The following RASGRP1 variants were observed in gnomAD, a reference collection of about 807,000 sequenced individuals.
The protein encoded by RASGRP1 is RAS guanyl releasing protein 1.
Under a neutral mutation model 95.1 loss-of-function variants are expected in RASGRP1, and 37 were observed. That is an observed-to-expected ratio of 0.39 (90% CI 0.30 to 0.51). The LOEUF is 0.51. Ranked by LOEUF, RASGRP1 falls within the 20% of genes least tolerant of loss-of-function variation. The probability of loss-of-function intolerance (pLI) is 0.80; values close to 1 mark genes in which losing one functional copy is unlikely to be tolerated. For synonymous variants in RASGRP1, 325 were observed against 353.4 expected (o/e 0.92, Z 0.90); for missense variants, 711 against 965.4 (o/e 0.74, Z 3.49).
chr15:38,496,301 T>A (rs1320480622), intron 15 of RASGRP1, among the ~76,000 whole-genome samples: 1 of 152,248 alleles, frequency 6.6e-6, no homozygotes, highest in Non-Finnish European at 1.5e-5. Flanking sequence ...TTGCCCATGA[T>A]ACATGTATGT....
intron 1 of RASGRP1, among the ~76,000 whole-genome samples, chr15:38,564,315 C>G (rs1030318443): frequency 2.6e-5 from 4 of 152,080 alleles, no homozygotes; most frequent in African/African-American, 9.7e-5. Context: ...GCGCCGGCTC[C>G]GCGAAGAGCT....
chr15:38,505,777 T>G (rs544342021), intron 10 of RASGRP1, 63 bp downstream of exon 10: 1 of 1,307,462 alleles, frequency 7.6e-7, no homozygotes, highest in South Asian at 1.2e-5. Flanking sequence ...TGAGGATGAA[T>G]GAACTCGAGG....
At chr15:38,516,490 TCA>T (rs1227583364) in intron 5 of RASGRP1, 140 bp from the exon 6 acceptor site, 5 of 1,071,362 alleles carry the variant, frequency 4.7e-6, no homozygotes, top group African/African-American at 1.6e-5. Flanking sequence ...AACAGTGCAT[TCA>T]CAGAGTTTCT....
At chr15:38,518,258 G>A in intron 5 of RASGRP1, 34 bp downstream of exon 5, 1 of 1,598,860 alleles carries the variant, frequency 6.3e-7, no homozygotes, top group South Asian at 1.1e-5. Context: ...GAGGGAGGTG[G>A]TTTCGAAAGA....
At chr15:38,528,506 C>T (rs1892318077) in intron 2 of RASGRP1, among the ~76,000 whole-genome samples, 1 of 152,088 alleles carries the variant, frequency 6.6e-6, no homozygotes, top group South Asian at 2.1e-4. Context: ...CCAACACAAC[C>T]CAAGTTGATG....
In RASGRP1 at chr15:38,516,333, G is replaced by C. The variant is rs377660704; in HGVS notation, c.539C>G (p.Ser180Cys). 6 of 1,611,064 alleles carry C rather than the reference G, an allele frequency of 3.7e-6. No individual in the cohort carries two copies. The highest frequency in any genetic ancestry group is 4.5e-5 in the East Asian group (2 of 44,856). Residue 180 changes from serine (S) to cysteine (C), a missense_variant, in exon 6 of 17, where the codon TCC becomes TGC. Coordinates refer to ENST00000310803, the MANE Select transcript of RASGRP1 (RefSeq NM_005739.4). ...TTTTATCCTTTGAGTAAGTTTCCTGGACCAGTCACGGGCATTGCTTTTGTG... is the reference window on the plus strand; with the variant it reads ...TTTTATCCTTTGAGTAAGTTTCCTGCACCAGTCACGGGCATTGCTTTTGTG... ...DTTQINARDW[S>C]RKLTQRIKSN...
At chr15:38,532,931 C>G (rs900400948) in intron 2 of RASGRP1, among the ~76,000 whole-genome samples, 1 of 152,086 alleles carries the variant, frequency 6.6e-6, no homozygotes, top group Admixed American at 6.5e-5. Context: ...GCAGACCCTG[C>G]TCCTTGCTGA....
chr15:38,537,007 C>T (rs971194408), intron 2 of RASGRP1, among the ~76,000 whole-genome samples: 7 of 152,118 alleles, frequency 4.6e-5, no homozygotes, highest in Non-Finnish European at 7.4e-5. Context: ...ATTCTTATTT[C>T]TCTTGCTAGA....
Position 38,507,954 on chromosome 15 carries a change from G to A in RASGRP1, c.1014C>T (p.Asp338=), listed in dbSNP as rs1273798932. The A allele has an allele frequency of 1.2e-6, 2 of 1,610,558 alleles. No individual in the cohort carries two copies. Among genetic ancestry groups the A allele is most frequent in the Non-Finnish European group, 1.7e-6 (2 of 1,178,762 alleles). ...ACTCTCCATAGGCTCGCCGGTAATT[G>A]TCGTAGTTTCTGGAGGAGGACAGCA... ...TELLSSSRNY[D]NYRRAYGECT... Residue 338 remains aspartate, a synonymous_variant, in exon 9 of 17, where the codon GAC becomes GAT. Transcript: ENST00000310803.
intron 3 of RASGRP1, among the ~76,000 whole-genome samples, chr15:38,525,396 T>C (rs569151067): frequency 1.3e-5 from 2 of 152,276 alleles, no homozygotes; most frequent in South Asian, 4.1e-4. Context: ...GGTTTCATGA[T>C]GGTTTAAAAT....
intron 3 of RASGRP1, among the ~76,000 whole-genome samples, chr15:38,521,893 A>G (rs1399693131): frequency 6.6e-6 from 1 of 152,186 alleles, no homozygotes; most frequent in African/African-American, 2.4e-5. Context: ...ACTAAGCGTA[A>G]AGAAAGAAAA....
At chr15:38,509,905 C>T (rs1891432597) in intron 8 of RASGRP1, among the ~76,000 whole-genome samples, 2 of 152,088 alleles carry the variant, frequency 1.3e-5, no homozygotes, top group Non-Finnish European at 2.9e-5. Context: ...CTACGAAGTA[C>T]CATTTCTCCA....
rs1258561280 is a variant in RASGRP1, at chr15:38,489,017, G to C, written c.*1537C>G. ...GCAAGGAGGAACTCAAATGGGAACTGATCTTTCATCAAAGAGAATTCCTAA... is the reference window on the plus strand; with the variant it reads ...GCAAGGAGGAACTCAAATGGGAACTCATCTTTCATCAAAGAGAATTCCTAA... On this transcript the variant is annotated 3_prime_UTR_variant, in exon 17 of 17. Coordinates refer to ENST00000310803, the MANE Select transcript of RASGRP1 (RefSeq NM_005739.4). 1 of 151,970 alleles carries C rather than the reference G, an allele frequency of 6.6e-6. No homozygotes were observed. The highest frequency in any genetic ancestry group is 1.5e-5 in the Non-Finnish European group (1 of 67,898). The allele number at this position is 151,970 out of a possible 1,614,324, so 9.4% of individuals were successfully genotyped here. A position where few individuals can be genotyped will look rare whatever the true frequency, so the allele number is the denominator to read the frequency against.
intron 15 of RASGRP1, among the ~76,000 whole-genome samples, chr15:38,495,389 G>A (rs1890759104): frequency 6.6e-6 from 1 of 152,140 alleles, no homozygotes; most frequent in African/African-American, 2.4e-5. Context: ...TAGCCATAAG[G>A]AGTAATTTCC....
intron 2 of RASGRP1, among the ~76,000 whole-genome samples, chr15:38,545,945 C>T (rs1296475800): frequency 1.3e-5 from 2 of 152,190 alleles, no homozygotes; most frequent in African/African-American, 4.8e-5. Context: ...AGCTCAAATT[C>T]ATGGGAAAAT....
At chr15:38,504,924 T>C (rs1050127873) in intron 10 of RASGRP1, 1 of 152,214 alleles carries the variant, frequency 6.6e-6, no homozygotes, top group African/African-American at 2.4e-5. Context: ...CAAAATGTCA[T>C]TATGTGGTGC....
intron 2 of RASGRP1, among the ~76,000 whole-genome samples, chr15:38,552,927 T>C (rs553102097): frequency 1.3e-5 from 2 of 152,056 alleles, no homozygotes; most frequent in Admixed American, 6.5e-5. Context: ...CTTCAATATA[T>C]GGCAAATTAT....
chr15:38,509,552 C>A (rs574265617), intron 8 of RASGRP1, among the ~76,000 whole-genome samples: 1 of 152,226 alleles, frequency 6.6e-6, no homozygotes, highest in African/African-American at 2.4e-5. Flanking sequence ...CATGGTGAAA[C>A]CCCGTCTCTA....
rs1362570919 is a variant in RASGRP1, at chr15:38,564,379, C to T, written c.35+215G>A. ...CTCTGGCCTCGCGGCCGCCCCTCTA[C>T]CACCCCTCAGCCCCAGCTCCCTCCC... On this transcript the variant is annotated intron_variant, in intron 1 of 16. Coordinates refer to ENST00000310803, the MANE Select transcript of RASGRP1 (RefSeq NM_005739.4). Among the ~76,000 whole-genome samples, 4 of 152,216 alleles carry T rather than the reference C, an allele frequency of 2.6e-5. No individual in the cohort carries two copies. The South Asian group carries it at 8.3e-4, about 32-fold the overall frequency.
Sources: allele counts gnomAD v4.1 joint callset (sites outside exome capture counted in the v4.1 genomes callset), GRCh38; gene constraint gnomAD v4.1.1; transcripts MANE v1.5; gene names NCBI Gene and HGNC (gene_info 2026-07-23, HGNC 2026-07-21).